The following PSG8 variants were observed in gnomAD, a reference collection of about 807,000 sequenced individuals.
PSG8 encodes the protein pregnancy-specific beta-1-glycoprotein 8.
PSG8 carries 57 observed loss-of-function variants against 42.5 expected under a neutral mutation model. The ratio of observed to expected loss-of-function variants is 1.34; its 90% CI spans 1.08 to 1.67. The LOEUF is 1.67. PSG8 is among the 40% of genes most tolerant of loss of function. The pLI, the probability that PSG8 is intolerant of heterozygous loss-of-function variation, is 0.00. For synonymous variants in PSG8, 280 were observed against 196.8 expected (o/e 1.42, Z -3.54); for missense variants, 783 against 518.6 (o/e 1.51, Z -4.95).
intron 2 of PSG8, 77 bp downstream of exon 2, chr19:42,763,839 G>C (rs950852259): frequency 1.2e-6 from 2 of 1,609,040 alleles, no homozygotes; most frequent in East Asian, 4.5e-5. Context: ...GCAATGTCCA[G>C]GCCTGACAAT....
At chr19:42,753,383 G>A (rs145547281), downstream of PSG8, 829 of 780,086 alleles carry the variant, frequency 1.1e-3, 8 homozygotes, top group African/African-American at 0.013. Context: ...CAGTCTACAG[G>A]TGGATAATAA....
At chr19:42,758,314 T>C (rs1969985614) in intron 2 of PSG8, 34 bp from the exon 3 acceptor site, 1 of 1,600,164 alleles carries the variant, frequency 6.2e-7, no homozygotes, top group Non-Finnish European at 8.5e-7. Context: ...TTGCCCTGTG[T>C]GGCACCTTTG....
In PSG8 at chr19:42,754,314, G is replaced by A. The variant is rs114100413; in HGVS notation, c.1262C>T (p.Ser421Phe). Residue 421 changes from serine (S) to phenylalanine (F), a missense_variant, in exon 5 of 5, where the codon TCC becomes TTC. Coordinates refer to ENST00000306511, the MANE Select transcript of PSG8 (RefSeq NM_182707.3). ...CTCCACCTAAATCCCTATTGCCAAGGATACTGGGATCCGCTTACCAGAGAC... is the reference window on the plus strand; with the variant it reads ...CTCCACCTAAATCCCTATTGCCAAGAATACTGGGATCCGCTTACCAGAGAC... The part of the protein sequence containing the change: ...VKVSGKRIPV[S>F]LAIGI The A allele has an allele frequency of 8.1e-5, 130 of 1,613,548 alleles. No individual in the cohort carries two copies. The Middle Eastern group carries it at 8.3e-4, about 10-fold the overall frequency.
chr19:42,764,355 G>T, intron 1 of PSG8, 74 bp from the exon 2 acceptor site: 1 of 1,547,414 alleles, frequency 6.5e-7, no homozygotes, highest in Non-Finnish European at 8.7e-7. Flanking sequence ...CCTGGGTCCT[G>T]AGAAGTTCTC....
intron 2 of PSG8, among the ~76,000 whole-genome samples, chr19:42,762,114 A>C (rs28522597): frequency 1.8e-4 from 26 of 147,640 alleles, no homozygotes; most frequent in African/African-American, 6.9e-4. Flanking sequence ...GGAAGGGAAC[A>C]GAACAGCCAG....
At position 42,758,014 on chromosome 19, in the gene PSG8, G is replaced by C; in HGVS notation, c.697C>G (p.Leu233Val). The C allele has an allele frequency of 3.7e-6, 6 of 1,614,034 alleles. No homozygotes were observed. Among genetic ancestry groups the C allele is most frequent in the Non-Finnish European group, 5.1e-6 (6 of 1,179,958 alleles). ...VSASRSDPFT[L>V]NLLPKLPKPY... is the part of the protein sequence containing the mutation. Reference sequence around the variant, plus strand: ...AGAAAATACTCACGGAGGAGATTCAGGGTGAATGGGTCACTGCGGCTGGCA... The same window carrying C: ...AGAAAATACTCACGGAGGAGATTCACGGTGAATGGGTCACTGCGGCTGGCA... The change falls in exon 3 of 5, where the codon CTG becomes GTG. Residue 233 changes from leucine (L) to valine (V), a missense_variant. Transcript: ENST00000306511.
Position 42,754,523 on chromosome 19 carries a change from G to A in PSG8, c.1053C>T (p.Tyr351=). The stretch of plus-strand genomic sequence containing the variant: ...GGTTAGAGTCCGCAGAACAGGACAA[G>A]TAGAGGACTTCTCCTGAACGGTAAT... ...FTYYRSGEVL[Y]LSCSADSNPP... Residue 351 remains tyrosine, a synonymous_variant, in exon 5 of 5, where the codon TAC becomes TAT. Transcript: ENST00000306511. 1.2e-6 allele frequency: 2 copies of A among 1,613,896 alleles called. No homozygotes were observed. Among genetic ancestry groups the A allele is most frequent in the South Asian group, 2.2e-5 (2 of 91,070 alleles).
chr19:42,754,617 A>G (rs1969868982), intron 4 of PSG8, 30 bp from the exon 5 acceptor site: 3 of 1,597,880 alleles, frequency 1.9e-6, no homozygotes, highest in Non-Finnish European at 2.6e-6. Flanking sequence ...GCCACAGGTG[A>G]TGTCATCTGA....
chr19:42,760,385 A>AAAG (rs1970043407), intron 2 of PSG8, among the ~76,000 whole-genome samples: 2 of 152,188 alleles, frequency 1.3e-5, no homozygotes, highest in Admixed American at 6.5e-5. Context: ...CCACAGCTAC[A>AAAG]AAATTTAAAA....
At chr19:42,757,874 A>G (rs879023393) in intron 3 of PSG8, 128 bp downstream of exon 3, 3 of 1,602,412 alleles carry the variant, frequency 1.9e-6, no homozygotes, top group South Asian at 2.2e-5. Context: ...GCAGAAAGTC[A>G]TGGCCAGGTT....
At chr19:42,762,239 G>C (rs1474496387) in intron 2 of PSG8, among the ~76,000 whole-genome samples, 1 of 151,898 alleles carries the variant, frequency 6.6e-6, no homozygotes, top group African/African-American at 2.4e-5. Context: ...GAGAAGCAGA[G>C]AGAGGCAGAG....
At chr19:42,763,076 T>G (rs1414888893) in intron 2 of PSG8, among the ~76,000 whole-genome samples, 7 of 152,196 alleles carry the variant, frequency 4.6e-5, no homozygotes, top group African/African-American at 7.2e-5. Flanking sequence ...AAATGTTAAA[T>G]GATTCACAGT....
chr19:42,764,892 C>G (rs1241177941), intron 1 of PSG8, among the ~76,000 whole-genome samples: 4 of 151,968 alleles, frequency 2.6e-5, no homozygotes, highest in African/African-American at 9.7e-5. Flanking sequence ...TTTTTTCCCC[C>G]CAATTGTTGA....
At chr19:42,764,498 C>A (rs4803546) in intron 1 of PSG8, among the ~76,000 whole-genome samples, 2 of 151,236 alleles carry the variant, frequency 1.3e-5, no homozygotes, top group Admixed American at 6.6e-5. Context: ...AAGGTCAGCC[C>A]CATGACCCCC....
intron 2 of PSG8, among the ~76,000 whole-genome samples, chr19:42,759,126 A>T (rs1489566127): frequency 6.6e-6 from 1 of 152,106 alleles, no homozygotes; most frequent in Non-Finnish European, 1.5e-5. Flanking sequence ...GAACATGAAC[A>T]GATGATGGAA....
At chr19:42,754,911 G>C (rs1969878827) in intron 4 of PSG8, 77 bp downstream of exon 4, 13 of 1,571,488 alleles carry the variant, frequency 8.3e-6, no homozygotes, top group Non-Finnish European at 1.1e-5. Flanking sequence ...GGACCAGAGA[G>C]AGAGTGAGAG....
At chr19:42,764,517 A>G (rs887671295) in intron 1 of PSG8, among the ~76,000 whole-genome samples, 5 of 151,754 alleles carry the variant, frequency 3.3e-5, no homozygotes, top group Non-Finnish European at 7.4e-5. Context: ...CCATTCCTTC[A>G]ACACTTCTGA....
chr19:42,753,333 A>G, downstream of PSG8: 1 of 780,570 alleles, frequency 1.3e-6, no homozygotes, highest in Non-Finnish European at 2.4e-6. Context: ...CCATGGAAGA[A>G]AATGGAATTG....
Position 42,764,269 on chromosome 19 carries a change from T to A in PSG8, c.77A>T (p.Asn26Ile). 6.2e-7 allele frequency: 1 copy of A among 1,613,056 alleles called. No homozygotes were observed. The highest frequency in any genetic ancestry group is 1.1e-5 in the South Asian group (1 of 90,990). Residue 26 changes from asparagine to isoleucine, a missense_variant, in exon 2 of 5, where the codon AAC becomes ATC. Asn to Ile is a moderately radical substitution (Grantham distance 149). Transcript: ENST00000306511. Reference sequence around the variant, plus strand: ...GGCAGTCGTGGGTGGGTTCCAGAAGTTTAAAAGTGATGCTAGGAGGTGGAG... The same window carrying A: ...GGCAGTCGTGGGTGGGTTCCAGAAGATTAAAAGTGATGCTAGGAGGTGGAG... ...KGLLLTASLL[N>I]FWNPPTTAQV...
Sources: gnomAD v4.1 joint callset for allele counts (sites outside exome capture counted in the v4.1 genomes callset) on GRCh38, gnomAD v4.1.1 for gene constraint, MANE v1.5 for transcripts, NCBI Gene and HGNC (gene_info 2026-07-23, HGNC 2026-07-21) for gene names.